Variants in GBP2 observed in about 807,000 individuals in gnomAD.
GBP2 encodes the protein guanylate binding protein 2.
Under a neutral mutation model 60.8 loss-of-function variants are expected in GBP2, and 54 were observed. That is an observed-to-expected ratio of 0.89 (90% CI 0.71 to 1.11). GBP2 has a LOEUF of 1.11. GBP2 is among the 50% of genes most tolerant of loss of function. GBP2 has a pLI of 0.00. For missense variants in GBP2, 665 were observed against 703.3 expected (o/e 0.95, Z 0.62); for synonymous variants, 243 against 256.5 (o/e 0.95, Z 0.50).
At chr1:89,116,097 C>T (rs1184009887) in intron 6 of GBP2, among the ~76,000 whole-genome samples, 1 of 152,104 alleles carries the variant, frequency 6.6e-6, no homozygotes, top group African/African-American at 2.4e-5. Flanking sequence ...ACTGCAACCT[C>T]TGCCTCCCAG....
At chr1:89,118,361 C>G (rs1419217664) in intron 4 of GBP2, 1 of 152,202 alleles carries the variant, frequency 6.6e-6, no homozygotes, top group African/African-American at 2.4e-5. Context: ...CTTCAAGGCC[C>G]TTAGATAGGA....
chr1:89,110,764 T>C (rs1428813752), intron 8 of GBP2, among the ~76,000 whole-genome samples: 1 of 152,140 alleles, frequency 6.6e-6, no homozygotes, highest in Non-Finnish European at 1.5e-5. Flanking sequence ...CTGGGTACAG[T>C]GTACACCAAA....
At chr1:89,112,706 C>T (rs757836303) in intron 7 of GBP2, 22 bp from the exon 8 acceptor site, 1 of 1,563,078 alleles carries the variant, frequency 6.4e-7, no homozygotes, top group South Asian at 1.1e-5. Flanking sequence ...CAAAACAGCA[C>T]AGATGTTTCA....
Position 89,121,989 on chromosome 1 carries a change from G to A in GBP2, c.-17-6C>T. 6.4e-7 allele frequency: 1 copy of A among 1,570,432 alleles called. No individual in the cohort carries two copies. Among genetic ancestry groups the A allele is most frequent in the Non-Finnish European group, 8.6e-7 (1 of 1,156,102 alleles). On this transcript the variant is annotated splice_polypyrimidine_tract_variant and splice_region_variant and intron_variant, in intron 1 of 10. Coordinates refer to ENST00000370466, the MANE Select transcript of GBP2 (RefSeq NM_004120.5). ...CATGTCCAGGGTGTTGTTCCCTTGT[G>A]TGCAAGGAAAAAGATGAAATGGAAA...
At chr1:89,117,904 A>C in intron 4 of GBP2, 131 bp from the exon 5 acceptor site, 1 of 752,066 alleles carries the variant, frequency 1.3e-6, no homozygotes, top group Admixed American at 3.0e-5. Context: ...TTATTTACAG[A>C]ATTCATTCAC....
intron 1 of GBP2, among the ~76,000 whole-genome samples, chr1:89,124,534 T>C (rs2100622789): frequency 6.6e-6 from 1 of 152,346 alleles, no homozygotes; most frequent in East Asian, 1.9e-4. Context: ...ACCTGGGGAA[T>C]CTTGTGTCAT....
At chr1:89,118,663 A>T (rs1278668821) in intron 4 of GBP2, 1 of 152,218 alleles carries the variant, frequency 6.6e-6, no homozygotes, top group Non-Finnish European at 1.5e-5. Context: ...TTGAAAAGAT[A>T]ACCAAGATGA....
intron 4 of GBP2, chr1:89,118,547 C>T (rs1053899734): frequency 5.3e-5 from 8 of 151,806 alleles, no homozygotes; most frequent in African/African-American, 1.7e-4. Context: ...GATATAGTAT[C>T]GTTTTTTGTT....
chr1:89,107,232 C>T lies in GBP2; in HGVS notation c.*943G>A, dbSNP rs1156983013. ...TTTTTTTTTTTAGTAAGTCATTTAC[C>T]CTGAGTAGCTTTGAGGATATAATGT... On this transcript the variant is annotated 3_prime_UTR_variant, in exon 11 of 11. Transcript: ENST00000370466. Among the ~76,000 whole-genome samples the T allele has an allele frequency of 6.6e-6, 1 of 150,604 alleles. No individual in the cohort carries two copies. Among genetic ancestry groups the T allele is most frequent in the Non-Finnish European group, 1.5e-5 (1 of 67,794 alleles).
At chr1:89,108,681 A>G (rs1681101107) in intron 10 of GBP2, among the ~76,000 whole-genome samples, 1 of 152,170 alleles carries the variant, frequency 6.6e-6, no homozygotes, top group Non-Finnish European at 1.5e-5. Flanking sequence ...GTTACTATAT[A>G]ACTCAAGACT....
chr1:89,111,376 G>T (rs1311193115), intron 8 of GBP2, among the ~76,000 whole-genome samples: 1 of 152,108 alleles, frequency 6.6e-6, no homozygotes, highest in Non-Finnish European at 1.5e-5. Flanking sequence ...CTCCTTTATT[G>T]CAGATGGTAT....
chr1:89,117,571 A>G lies in GBP2; in HGVS notation c.625+6T>C, dbSNP rs1425680621. On this transcript the variant is annotated splice_donor_region_variant and intron_variant, in intron 5 of 10. Coordinates refer to ENST00000370466, the MANE Select transcript of GBP2 (RefSeq NM_004120.5). ...TATTACCCAACCAAGCATCAGACCC[A>G]GTAACCTTTTCTTAGCTTTAGCGAA... is the stretch of plus-strand genomic sequence containing the variant. The G allele has an allele frequency of 1.2e-6, 2 of 1,610,760 alleles. No homozygotes were observed. The highest frequency in any genetic ancestry group is 1.7e-6 in the Non-Finnish European group (2 of 1,178,070).
chr1:89,125,647 T>C (rs1398187767), intron 1 of GBP2, among the ~76,000 whole-genome samples: 1 of 152,156 alleles, frequency 6.6e-6, no homozygotes, highest in African/African-American at 2.4e-5. Flanking sequence ...AAGAAAGAAA[T>C]AACAATTTAG....
At chr1:89,115,196 C>T (rs530045705) in intron 6 of GBP2, among the ~76,000 whole-genome samples, 2 of 152,258 alleles carry the variant, frequency 1.3e-5, no homozygotes, top group South Asian at 2.1e-4. Flanking sequence ...TTCTTATTCC[C>T]TTCATAAATC....
At chr1:89,114,948 G>C (rs759729031) in intron 6 of GBP2, among the ~76,000 whole-genome samples, 5 of 152,056 alleles carry the variant, frequency 3.3e-5, no homozygotes, top group African/African-American at 4.8e-5. Context: ...TTTGTTTCCT[G>C]CTTTGACATT....
rs1681407955 is a variant in GBP2, at chr1:89,121,918, T to C, written c.49A>G (p.Thr17Ala). Residue 17 changes from threonine to alanine, a missense_variant, in exon 2 of 11, where the codon ACT becomes GCT. Transcript: ENST00000370466. The part of the protein sequence containing the change: ...LPGPMSLIDN[T>A]KGQLVVNPEA... ...GGATTCACCACCAGCTGCCCTTTAG[T>C]GTTATCAATGAGGCTCATTGGGCCC... 6 of 1,613,936 alleles carry C rather than the reference T, an allele frequency of 3.7e-6. No individual in the cohort carries two copies. The highest frequency in any genetic ancestry group is 5.1e-6 in the Non-Finnish European group (6 of 1,179,962).
chr1:89,115,048 A>G (rs1015618786), intron 6 of GBP2, among the ~76,000 whole-genome samples: 4 of 152,200 alleles, frequency 2.6e-5, no homozygotes, highest in Non-Finnish European at 4.4e-5. Flanking sequence ...AAGAATCTCA[A>G]TATTAAATAA....
intron 8 of GBP2, among the ~76,000 whole-genome samples, chr1:89,111,136 T>C (rs1324581586): frequency 6.6e-6 from 1 of 151,982 alleles, no homozygotes; most frequent in Non-Finnish European, 1.5e-5. Flanking sequence ...AAAAACTGGG[T>C]ATAGGTGGAA....
chr1:89,112,997 G>C, intron 7 of GBP2: 1 of 338,634 alleles, frequency 3.0e-6, no homozygotes, highest in South Asian at 2.9e-5. Flanking sequence ...GAATAGTTCT[G>C]AGCACAAACA....
Sources: gnomAD v4.1 joint callset for allele counts (sites outside exome capture counted in the v4.1 genomes callset) on GRCh38, gnomAD v4.1.1 for gene constraint, MANE v1.5 for transcripts, NCBI Gene and HGNC (gene_info 2026-07-23, HGNC 2026-07-21) for gene names.